Variants in SHANK2 observed in about 807,000 individuals in gnomAD.
SHANK2 encodes the protein SH3 and multiple ankyrin repeat domains 2.
In SHANK2, 43 loss-of-function variants were observed where a neutral mutation model predicts 133.7. That is an observed-to-expected ratio of 0.32 (90% confidence interval 0.25 to 0.41). The LOEUF (loss-of-function observed/expected upper bound fraction) is 0.41. Among genes scored for constraint, SHANK2 ranks in the 10% least tolerant of loss-of-function variants. The pLI is 1.00. For synonymous variants in SHANK2, 1,017 were observed against 952.8 expected (o/e 1.07, Z -1.24); for missense variants, 1,994 against 2,235.8 (o/e 0.89, Z 2.18).
At chr11:70,870,387 G>A (rs962329426) in intron 11 of SHANK2, among the ~76,000 whole-genome samples, 7 of 152,166 alleles carry the variant, frequency 4.6e-5, no homozygotes, top group African/African-American at 9.7e-5. Context: ...GCAGGTGAGC[G>A]CCAGGAAAGA....
At chr11:70,523,619 C>G (rs1445643815) in intron 17 of SHANK2, among the ~76,000 whole-genome samples, 2 of 152,174 alleles carry the variant, frequency 1.3e-5, no homozygotes, top group Non-Finnish European at 2.9e-5. Context: ...GTCCTGCCCC[C>G]TCCCTGGCTG....
At chr11:70,908,529 T>C (rs955983263) in intron 10 of SHANK2, among the ~76,000 whole-genome samples, 5 of 152,206 alleles carry the variant, frequency 3.3e-5, no homozygotes, top group Non-Finnish European at 7.3e-5. Flanking sequence ...AGCTCAGACA[T>C]GGTCATGGGG....
chr11:70,539,013 C>T (rs781992973), intron 17 of SHANK2, among the ~76,000 whole-genome samples: 1 of 152,248 alleles, frequency 6.6e-6, no homozygotes, highest in African/African-American at 2.4e-5. Flanking sequence ...GCTTGCAGAA[C>T]TACTCTGCCT....
intron 11 of SHANK2, among the ~76,000 whole-genome samples, chr11:70,839,427 A>C (rs1555060971): frequency 6.6e-6 from 1 of 151,904 alleles, no homozygotes; most frequent in Admixed American, 6.6e-5. Context: ...GGCAACACAC[A>C]CCCCCCTGGT....
In SHANK2 at chr11:70,731,218, C is replaced by T. The variant is rs74236607; in HGVS notation, c.1778-32455G>A. Among the ~76,000 whole-genome samples, 544 of 152,288 alleles carry T rather than the reference C, an allele frequency of 3.6e-3. 12 individuals carry two copies. In the East Asian group the frequency reaches 0.071, roughly 20 times the overall value. On this transcript the variant is annotated intron_variant, in intron 14 of 25. Transcript: ENST00000601538. ...TGCTCTCAGCACACACAGAGAAAGA[C>T]TATGTGGGGACACAGTAAGAAGGTG... is the stretch of plus-strand genomic sequence containing the variant.
At chr11:70,724,396 TGTG>T (rs1946134989) in intron 14 of SHANK2, among the ~76,000 whole-genome samples, 1 of 152,118 alleles carries the variant, frequency 6.6e-6, no homozygotes, top group Non-Finnish European at 1.5e-5. Flanking sequence ...CAGGTTTTGT[TGTG>T]GTGGTGGGGT....
At chr11:70,575,583 G>A (rs1369979393) in intron 17 of SHANK2, among the ~76,000 whole-genome samples, 3 of 151,690 alleles carry the variant, frequency 2.0e-5, no homozygotes, top group Admixed American at 6.6e-5. Flanking sequence ...GAGTCCCCTG[G>A]GGTGGGGAGG....
chr11:70,880,012 A>G (rs913107413), intron 11 of SHANK2, among the ~76,000 whole-genome samples: 10 of 152,098 alleles, frequency 6.6e-5, no homozygotes, highest in African/African-American at 2.2e-4. Flanking sequence ...GCTGTGGCCC[A>G]CTCAGTGGTA....
chr11:70,903,997 G>A (rs1334544922), intron 10 of SHANK2, among the ~76,000 whole-genome samples: 5 of 152,064 alleles, frequency 3.3e-5, no homozygotes, highest in South Asian at 2.1e-4. Flanking sequence ...ACAGACCCTC[G>A]ACCTGGTGCT....
At chr11:70,898,539 C>T (rs1387217107) in intron 10 of SHANK2, among the ~76,000 whole-genome samples, 1 of 152,012 alleles carries the variant, frequency 6.6e-6, no homozygotes, top group Non-Finnish European at 1.5e-5. Context: ...AAGTGATGCT[C>T]GTTCTAAAGT....
At chr11:70,799,225 G>A (rs1402851323) in intron 13 of SHANK2, among the ~76,000 whole-genome samples, 4 of 152,070 alleles carry the variant, frequency 2.6e-5, no homozygotes, top group Non-Finnish European at 4.4e-5. Context: ...TAGCCAAACC[G>A]CGTCTCTACT....
chr11:71,103,631 T>C (rs1951754261), intron 6 of SHANK2, among the ~76,000 whole-genome samples: 1 of 152,152 alleles, frequency 6.6e-6, no homozygotes, highest in South Asian at 2.1e-4. Flanking sequence ...CTGATATGGT[T>C]TGGATGGGTG....
intron 17 of SHANK2, among the ~76,000 whole-genome samples, chr11:70,628,962 T>C (rs561719066): frequency 6.6e-6 from 1 of 152,196 alleles, no homozygotes; most frequent in Non-Finnish European, 1.5e-5. Context: ...GGGGAGAGGC[T>C]GTACCATTGT....
At position 70,698,718 on chromosome 11, in the gene SHANK2, A is replaced by G; in HGVS notation, c.1823T>C (p.Val608Ala). The G allele has an allele frequency of 2.8e-6, 2 of 718,672 alleles. No individual in the cohort carries two copies. 44.5% of individuals were successfully genotyped at this position (718,672 alleles called of 1,614,324 possible). A position where few individuals can be genotyped will look rare whatever the true frequency, so the allele number is the denominator to read the frequency against. The change falls in exon 15 of 26, where the codon GTG becomes GCG. Residue 608 changes from valine to alanine, a missense_variant. This residue lies in a region of SHANK2 where 653 missense variants were observed against 563.4 expected (regional missense o/e 1.16). Transcript: ENST00000601538. ...RSKKLFRHYT[V>A]GSYDSFDTSS... Reference sequence around the variant, plus strand: ...AGTGTCGAAGCTGTCATAGGAGCCCACGGTGTAGTGCCTGAAAAGCTTCTT... The same window carrying G: ...AGTGTCGAAGCTGTCATAGGAGCCCGCGGTGTAGTGCCTGAAAAGCTTCTT...
intron 8 of SHANK2, among the ~76,000 whole-genome samples, chr11:71,081,993 C>T (rs1951306995): frequency 1.3e-5 from 2 of 152,310 alleles, no homozygotes; most frequent in East Asian, 1.9e-4. Flanking sequence ...GCACCCACGT[C>T]CCACAGTGAG....
chr11:70,506,883 G>T (rs2059143855), intron 17 of SHANK2, among the ~76,000 whole-genome samples: 1 of 152,188 alleles, frequency 6.6e-6, no homozygotes, highest in Non-Finnish European at 1.5e-5. Flanking sequence ...CTTGGGGGCA[G>T]GGAGGTGGTG....
At chr11:70,942,508 A>G in intron 10 of SHANK2, 4 of 456,220 alleles carry the variant, frequency 8.8e-6, no homozygotes, top group South Asian at 6.2e-5. Context: ...AACACCTTCC[A>G]CTAGGTCCCA....
intron 11 of SHANK2, among the ~76,000 whole-genome samples, chr11:70,861,135 C>A (rs111743909): frequency 1.5e-4 from 23 of 152,254 alleles, no homozygotes; most frequent in African/African-American, 5.3e-4. Context: ...TTAATCAGGC[C>A]CAGGTTAGTA....
intron 17 of SHANK2, among the ~76,000 whole-genome samples, chr11:70,553,247 G>A (rs782089350): frequency 8.6e-5 from 13 of 151,802 alleles, no homozygotes; most frequent in Non-Finnish European, 1.6e-4. Flanking sequence ...CCACCACCAC[G>A]CCAGGCTAAT....
Sources: allele counts gnomAD v4.1 joint callset (sites outside exome capture counted in the v4.1 genomes callset), GRCh38; gene constraint gnomAD v4.1.1; regional missense constraint gnomAD v4.1.1; transcripts MANE v1.5; gene names NCBI Gene and HGNC (gene_info 2026-07-23, HGNC 2026-07-21).